IL12RB2: variants seen among roughly 807,000 people sequenced by gnomAD.
IL12RB2 encodes the protein interleukin-12 receptor subunit beta-2.
In IL12RB2, 82 loss-of-function variants were observed where a neutral mutation model predicts 89.4. That is an observed-to-expected ratio of 0.92 (90% CI 0.77 to 1.10). IL12RB2 has a LOEUF of 1.10. IL12RB2 is among the 50% of genes least tolerant of loss of function. The probability of loss-of-function intolerance (pLI) is 0.00; values close to 1 mark genes in which losing one functional copy is unlikely to be tolerated. For missense variants in IL12RB2, 963 were observed against 1,031.9 expected, an observed-to-expected ratio of 0.93 and a Z score of 0.92; for synonymous variants, 368 against 370.1, an observed-to-expected ratio of 0.99 and a Z score of 0.07.
At chr1:67,333,630 A>G (rs548253843) in intron 8 of IL12RB2, among the ~76,000 whole-genome samples, 36 of 152,332 alleles carry the variant, frequency 2.4e-4, no homozygotes, top group Admixed American at 1.2e-3. Context: ...ACCGAAAAGT[A>G]AGGGATAGGA....
Position 67,321,862 on chromosome 1 carries a change from A to G in IL12RB2, c.337A>G (p.Ile113Val). ...LACINSDEIQ[I>V]CGAEIFVGVA... The stretch of plus-strand genomic sequence containing the variant: ...CTGTATCAATAGTGATGAAATTCAA[A>G]TATGTGGAGCAGAGATCTTCGTTGG... Residue 113 changes from isoleucine to valine, a missense_variant, in exon 4 of 17, where the codon ATA becomes GTA. Ile to Val is a conservative substitution (Grantham distance 29). Coordinates refer to ENST00000674203, the MANE Select transcript of IL12RB2 (RefSeq NM_001374259.2). 6.2e-7 allele frequency: 1 copy of G among 1,614,030 alleles called. No homozygotes were observed. Among genetic ancestry groups the G allele is most frequent in the East Asian group, 2.2e-5 (1 of 44,886 alleles).
intron 9 of IL12RB2, among the ~76,000 whole-genome samples, chr1:67,340,796 T>G (rs1419410264): frequency 6.6e-6 from 1 of 152,212 alleles, no homozygotes; most frequent in Non-Finnish European, 1.5e-5. Context: ...AATGTGAGTA[T>G]GTGATTTCTT....
Position 67,330,722 on chromosome 1 carries a change from T to C in IL12RB2, c.870T>C (p.Tyr290=), listed in dbSNP as rs1448159322. 5 of 1,524,854 alleles carry C rather than the reference T, an allele frequency of 3.3e-6. No individual in the cohort carries two copies. The highest frequency in any genetic ancestry group is 1.7e-5 in the Admixed American group (1 of 59,924). 94.5% of individuals were successfully genotyped at this position (1,524,854 alleles called of 1,614,324 possible). Residue 290 remains tyrosine, a synonymous_variant, in exon 8 of 17, where the codon TAT becomes TAC. Coordinates refer to ENST00000674203, the MANE Select transcript of IL12RB2 (RefSeq NM_001374259.2). ...TGGATCTGAAACCATTTACAGAATA[T>C]GAATTTCAGATTTCCTCTAAGCTAC... ...DLLDLKPFTE[Y]EFQISSKLHL...
chr1:67,395,711 G>A lies in IL12RB2; in HGVS notation c.2211G>A (p.Gln737=). The A allele has an allele frequency of 6.2e-7, 1 of 1,614,210 alleles. No individual in the cohort carries two copies. Among genetic ancestry groups the A allele is most frequent in the Non-Finnish European group, 8.5e-7 (1 of 1,180,032 alleles). ...GGGAAAAAGGAATCCAAGGTCATCA[G>A]GCCTCTGAGAAAGACATGATGCACA... ...PQREKGIQGH[Q]ASEKDMMHSA... is the part of the protein sequence containing the mutation. The change falls in exon 17 of 17, where the codon CAG becomes CAA. Residue 737 remains glutamine (Q), a synonymous_variant. Coordinates refer to ENST00000674203, the MANE Select transcript of IL12RB2 (RefSeq NM_001374259.2).
intron 8 of IL12RB2, among the ~76,000 whole-genome samples, chr1:67,332,864 A>G (rs1658277627): frequency 6.6e-6 from 1 of 152,232 alleles, no homozygotes. Context: ...CACATATGAT[A>G]ATGACCTAGT....
At chr1:67,351,205 A>G in intron 10 of IL12RB2, 116 bp downstream of exon 10, 18 of 1,536,282 alleles carry the variant, frequency 1.2e-5, no homozygotes, top group Non-Finnish European at 1.5e-5. Flanking sequence ...CAGGCTTTGG[A>G]GTCAACAGCT....
chr1:67,339,397 G>C (rs556826950), intron 9 of IL12RB2, among the ~76,000 whole-genome samples: 2 of 151,106 alleles, frequency 1.3e-5, no homozygotes, highest in South Asian at 4.2e-4. Flanking sequence ...TGAGGCACGA[G>C]AATCACTTGA....
intron 16 of IL12RB2, among the ~76,000 whole-genome samples, chr1:67,393,601 G>A (rs1165862027): frequency 6.6e-6 from 1 of 152,192 alleles, no homozygotes; most frequent in Non-Finnish European, 1.5e-5. Flanking sequence ...CAGTCTCCCC[G>A]AAGTGAAACG....
intron 10 of IL12RB2, among the ~76,000 whole-genome samples, chr1:67,361,597 G>T (rs559283470): frequency 6.6e-6 from 1 of 152,006 alleles, no homozygotes; most frequent in Non-Finnish European, 1.5e-5. Flanking sequence ...AATAGAAACC[G>T]CTAAAACTGA....
At chr1:67,312,379 G>A (rs1034002459) in intron 1 of IL12RB2, among the ~76,000 whole-genome samples, 1 of 152,176 alleles carries the variant, frequency 6.6e-6, no homozygotes, top group African/African-American at 2.4e-5. Flanking sequence ...TTATTTGAAA[G>A]TGTCTTGTTT....
At chr1:67,347,007 C>T (rs916398201) in intron 9 of IL12RB2, among the ~76,000 whole-genome samples, 2 of 152,068 alleles carry the variant, frequency 1.3e-5, no homozygotes, top group African/African-American at 2.4e-5. Context: ...AACAGTTTAC[C>T]TCCCTTAACT....
Position 67,367,890 on chromosome 1 carries a change from C to T in IL12RB2, c.1324C>T (p.Gln442Ter). The change falls in exon 11 of 17, where the codon CAG becomes TAG. Residue 442 changes from glutamine to a stop codon, truncating the protein, a stop_gained. Transcript: ENST00000674203. LOFTEE classifies it high-confidence loss of function. ...EGMDNILVTW[Q>*]PPRKDPSAVQ... ...CATGGACAACATTCTGGTGACTTGG[C>T]AGCCTCCCAGGAAAGATCCCTCTGC... The T allele has an allele frequency of 6.2e-7, 1 of 1,608,174 alleles. No individual in the cohort carries two copies. Among genetic ancestry groups the T allele is most frequent in the Non-Finnish European group, 8.5e-7 (1 of 1,174,532 alleles).
chr1:67,320,564 C>G, intron 3 of IL12RB2, 120 bp downstream of exon 3: 3 of 1,539,022 alleles, frequency 1.9e-6, no homozygotes, highest in African/African-American at 1.4e-5. Flanking sequence ...CAATCTCTGT[C>G]ATTTAAGTGG....
At chr1:67,320,312 G>T in intron 2 of IL12RB2, 21 bp from the exon 3 acceptor site, 1 of 1,613,238 alleles carries the variant, frequency 6.2e-7, no homozygotes, top group Non-Finnish European at 8.5e-7. Context: ...TAACATGAAT[G>T]AATTTGTCTT....
chr1:67,340,861 G>A (rs1290849300), intron 9 of IL12RB2, among the ~76,000 whole-genome samples: 2 of 152,136 alleles, frequency 1.3e-5, no homozygotes, highest in African/African-American at 4.8e-5. Context: ...CTATAATGAG[G>A]TCTTGGAATT....
At position 67,395,573 on chromosome 1, in the gene IL12RB2, G is replaced by A; in HGVS notation, c.2073G>A (p.Arg691=). The A allele has an allele frequency of 6.2e-7, 1 of 1,614,230 alleles. No homozygotes were observed. The highest frequency in any genetic ancestry group is 8.5e-7 in the Non-Finnish European group (1 of 1,180,052). ...AGAAGACACAGCTGCCCTTGGACAG[G>A]CTCCTGATAGACTGGCCCACGCCTG... The part of the protein sequence containing the change: ...AEEKTQLPLD[R]LLIDWPTPED... The change falls in exon 17 of 17, where the codon AGG becomes AGA. Residue 691 remains arginine (R), a synonymous_variant. Transcript: ENST00000674203.
intron 10 of IL12RB2, among the ~76,000 whole-genome samples, chr1:67,357,520 T>G (rs374116350): frequency 6.6e-6 from 1 of 152,266 alleles, no homozygotes; most frequent in Admixed American, 6.5e-5. Context: ...TAATATACTT[T>G]GTCTATTTAG....
chr1:67,337,913 AAAAAG>A (rs746289063), intron 8 of IL12RB2, among the ~76,000 whole-genome samples: 4,009 of 144,612 alleles, frequency 0.028, 77 homozygotes, highest in Non-Finnish European at 0.032. Context: ...AAAAAAAAAA[AAAAAG>A]AAAAGAAAAG....
intron 9 of IL12RB2, among the ~76,000 whole-genome samples, chr1:67,341,392 C>T (rs1023960894): frequency 6.7e-6 from 1 of 149,708 alleles, no homozygotes; most frequent in Admixed American, 6.7e-5. Context: ...GTACTCCAGC[C>T]TGGGTGACAG....
Sources: allele counts gnomAD v4.1 joint callset (sites outside exome capture counted in the v4.1 genomes callset), GRCh38; gene constraint gnomAD v4.1.1; transcripts MANE v1.5; gene names NCBI Gene and HGNC (gene_info 2026-07-23, HGNC 2026-07-21).